Variants in GFRA1 observed in about 807,000 individuals in gnomAD.
GFRA1 encodes the protein GDNF family receptor alpha-1.
A neutral mutation model predicts 51.6 loss-of-function variants in GFRA1; 16 were observed. That is an observed-to-expected ratio of 0.31 (90% CI 0.21 to 0.47). The LOEUF (loss-of-function observed/expected upper bound fraction) is 0.47, where lower values mean the gene tolerates loss of function less well. Ranked by LOEUF, GFRA1 falls within the 20% of genes least tolerant of loss-of-function variation. The pLI, the probability that GFRA1 is intolerant of heterozygous loss-of-function variation, is 1.00. For missense variants in GFRA1, 530 were observed against 594.3 expected (o/e 0.89, Z 1.13); for synonymous variants, 270 against 241.3 (o/e 1.12, Z -1.10).
chr10:116,116,053 C>T (rs1454145345), intron 6 of GFRA1, among the ~76,000 whole-genome samples: 1 of 152,172 alleles, frequency 6.6e-6, no homozygotes, highest in Non-Finnish European at 1.5e-5. Flanking sequence ...ATCCAGAGGT[C>T]TTGCTTCCAT....
chr10:116,099,184 G>A (rs529306996), intron 6 of GFRA1, among the ~76,000 whole-genome samples: 2 of 152,276 alleles, frequency 1.3e-5, no homozygotes, highest in South Asian at 4.2e-4. Flanking sequence ...GCTCATCACT[G>A]GTGAGTTGGT....
chr10:116,083,936 A>G (rs1955972830), intron 9 of GFRA1, among the ~76,000 whole-genome samples: 1 of 151,906 alleles, frequency 6.6e-6, no homozygotes, highest in Non-Finnish European at 1.5e-5. Context: ...GCATCCTACA[A>G]GTACCTGTTT....
chr10:116,169,159 T>C (rs1234323682), intron 5 of GFRA1, among the ~76,000 whole-genome samples: 1 of 152,134 alleles, frequency 6.6e-6, no homozygotes, highest in African/African-American at 2.4e-5. Flanking sequence ...ACCACTGTCT[T>C]TATGGGACAA....
At chr10:116,230,340 G>T (rs1966598669) in intron 4 of GFRA1, among the ~76,000 whole-genome samples, 1 of 152,176 alleles carries the variant, frequency 6.6e-6, no homozygotes, top group African/African-American at 2.4e-5. Flanking sequence ...TGAGGAAACT[G>T]ACGCTGACAA....
intron 5 of GFRA1, among the ~76,000 whole-genome samples, chr10:116,162,643 G>A (rs973416797): frequency 2.0e-5 from 3 of 152,206 alleles, no homozygotes; most frequent in African/African-American, 4.8e-5. Context: ...AAAAATCCGT[G>A]TTGAAAACTT....
rs575934136 is a variant in GFRA1, at chr10:116,058,740, C to T, written c.*5658G>A. ...TTCAGCTCCAAATGCTGGTTTATTC[C>T]GTCAGAGTACTCACTCAGTAAACGT... On this transcript the variant is annotated 3_prime_UTR_variant, in exon 11 of 11. Transcript: ENST00000355422. The T allele has an allele frequency of 2.0e-5, 3 of 152,296 alleles. No individual in the cohort carries two copies. Among genetic ancestry groups the T allele is most frequent in the South Asian group, 4.1e-4 (2 of 4,820 alleles). The allele number at this position is 152,296 out of a possible 1,614,324, so 9.4% of individuals were successfully genotyped here. A position where few individuals can be genotyped will look rare whatever the true frequency, so the allele number is the denominator to read the frequency against.
chr10:116,172,981 T>C (rs555409716), intron 5 of GFRA1, among the ~76,000 whole-genome samples: 2 of 152,234 alleles, frequency 1.3e-5, no homozygotes, highest in African/African-American at 4.8e-5. Context: ...GAAATCATCC[T>C]GAATGGGCTT....
intron 6 of GFRA1, among the ~76,000 whole-genome samples, chr10:116,122,624 T>G (rs912180840): frequency 2.6e-5 from 4 of 152,170 alleles, no homozygotes; most frequent in African/African-American, 7.2e-5. Flanking sequence ...TACTCTCTTT[T>G]TAGAAGAACA....
intron 4 of GFRA1, among the ~76,000 whole-genome samples, chr10:116,264,649 G>T (rs762220255): frequency 2.4e-4 from 36 of 152,202 alleles, no homozygotes; most frequent in Non-Finnish European, 5.1e-4. Context: ...ACTGATAGAA[G>T]ATTTCTAAGT....
chr10:116,174,770 T>C (rs3781539), intron 5 of GFRA1, among the ~76,000 whole-genome samples: 16,934 of 152,290 alleles, frequency 0.11, 1,158 homozygotes, highest in Non-Finnish European at 0.16. Context: ...CCAGTGCTAA[T>C]ATAAATTATC....
intron 4 of GFRA1, among the ~76,000 whole-genome samples, chr10:116,265,008 T>A (rs1474299246): frequency 6.6e-6 from 1 of 152,176 alleles, no homozygotes; most frequent in Admixed American, 6.5e-5. Context: ...GATAACTTTT[T>A]AAAAAATAAT....
At chr10:116,242,510 C>T (rs536483681) in intron 4 of GFRA1, among the ~76,000 whole-genome samples, 2 of 150,392 alleles carry the variant, frequency 1.3e-5, no homozygotes, top group African/African-American at 2.5e-5. Context: ...GAGACAGAAT[C>T]GTGATGTGTC....
chr10:116,141,041 T>C (rs570848895), intron 5 of GFRA1, among the ~76,000 whole-genome samples: 4 of 152,348 alleles, frequency 2.6e-5, no homozygotes, highest in East Asian at 1.9e-4. Flanking sequence ...ATGGTAATAA[T>C]GTAGCCATAA....
intron 5 of GFRA1, among the ~76,000 whole-genome samples, chr10:116,169,896 G>GT (rs1960860503): frequency 6.6e-6 from 1 of 152,146 alleles, no homozygotes; most frequent in African/African-American, 2.4e-5. Flanking sequence ...AGCACTGATT[G>GT]TAACACACAC....
At chr10:116,248,698 T>C (rs1171964231) in intron 4 of GFRA1, among the ~76,000 whole-genome samples, 1 of 152,158 alleles carries the variant, frequency 6.6e-6, no homozygotes, top group East Asian at 1.9e-4. Context: ...CAGTTCACAG[T>C]TGAGAAAACT....
intron 6 of GFRA1, among the ~76,000 whole-genome samples, chr10:116,120,054 T>A (rs781718112): frequency 1.4e-4 from 21 of 152,208 alleles, no homozygotes; most frequent in Non-Finnish European, 2.5e-4. Flanking sequence ...ATAGGGTCCT[T>A]GATCCCTGGG....
intron 4 of GFRA1, among the ~76,000 whole-genome samples, chr10:116,252,223 G>A (rs1968438328): frequency 6.6e-6 from 1 of 151,930 alleles, no homozygotes; most frequent in Non-Finnish European, 1.5e-5. Context: ...CCTTCCCTCA[G>A]TCTCCAAGGC....
intron 4 of GFRA1, among the ~76,000 whole-genome samples, chr10:116,232,588 A>C (rs1966751316): frequency 6.6e-6 from 1 of 152,228 alleles, no homozygotes; most frequent in Admixed American, 6.5e-5. Context: ...ACAAAAAGCT[A>C]TTATGGAGTA....
chr10:116,183,774 G>C (rs939555510), intron 5 of GFRA1, among the ~76,000 whole-genome samples: 1 of 152,180 alleles, frequency 6.6e-6, no homozygotes, highest in African/African-American at 2.4e-5. Flanking sequence ...CTGTAACAGG[G>C]CAGGACAGCA....
Sources: allele counts gnomAD v4.1 joint callset (sites outside exome capture counted in the v4.1 genomes callset), GRCh38; gene constraint gnomAD v4.1.1; transcripts MANE v1.5; gene names NCBI Gene and HGNC (gene_info 2026-07-23, HGNC 2026-07-21).